The following ROR2 variants were observed in gnomAD, a reference collection of about 807,000 sequenced individuals.
ROR2 encodes the protein ROR family WNT receptor 2.
A neutral mutation model predicts 74.9 loss-of-function variants in ROR2; 33 were observed. That is an observed-to-expected ratio of 0.44 (90% CI 0.33 to 0.59). The LOEUF (loss-of-function observed/expected upper bound fraction) is 0.59. ROR2 is among the 20% of genes least tolerant of loss of function. The pLI, the probability that ROR2 is intolerant of heterozygous loss-of-function variation, is 0.02. For missense variants in ROR2, 1,216 were observed against 1,313.8 expected (o/e 0.93, Z 1.15); for synonymous variants, 586 against 558.7 (o/e 1.05, Z -0.69).
intron 1 of ROR2, among the ~76,000 whole-genome samples, chr9:91,936,418 C>T (rs534418979): frequency 5.3e-5 from 8 of 152,306 alleles, no homozygotes; most frequent in African/African-American, 1.9e-4. Flanking sequence ...GTCATCTGCC[C>T]CTGTGTGAGC....
intron 1 of ROR2, among the ~76,000 whole-genome samples, chr9:91,843,353 T>C (rs1828839173): frequency 6.6e-6 from 1 of 152,176 alleles, no homozygotes; most frequent in East Asian, 1.9e-4. Context: ...GTGGGGCAGG[T>C]CAGGTGCATG....
intron 1 of ROR2, among the ~76,000 whole-genome samples, chr9:91,797,802 G>GA (rs1458242058): frequency 9.6e-5 from 4 of 41,650 alleles, no homozygotes; most frequent in African/African-American, 1.5e-4. Flanking sequence ...TGTGGGTGGG[G>GA]CTGACACCCT....
intron 4 of ROR2, among the ~76,000 whole-genome samples, chr9:91,744,100 G>A (rs1825329954): frequency 6.6e-6 from 1 of 151,408 alleles, no homozygotes; most frequent in Non-Finnish European, 1.5e-5. Context: ...CAAACAAAAT[G>A]TCAACAGCAC....
In ROR2 at chr9:91,733,105, G is replaced by A. The variant is rs1206580649; in HGVS notation, c.937+17C>T. The A allele has an allele frequency of 1.9e-6, 3 of 1,576,678 alleles. No individual in the cohort carries two copies. The highest frequency in any genetic ancestry group is 8.6e-7 in the Non-Finnish European group (1 of 1,164,314). ...CCCTGCGCCCCCCGGTCCCGCCCCG[G>A]GCCCTCGGGCACTCACAGCGGCCCA... On this transcript the variant is annotated intron_variant, in intron 6 of 8. Coordinates refer to ENST00000375708, the MANE Select transcript of ROR2 (RefSeq NM_004560.4). The surrounding 1 kb of genome is among the most constrained non-coding windows in gnomAD (Gnocchi z 5.7).
intron 1 of ROR2, among the ~76,000 whole-genome samples, chr9:91,871,270 T>G (rs996289188): frequency 6.6e-6 from 1 of 152,242 alleles, no homozygotes; most frequent in African/African-American, 2.4e-5. Flanking sequence ...TCACTGTGTG[T>G]GTTTGTCTTC....
chr9:91,750,937 A>C (rs1053377846), intron 4 of ROR2, among the ~76,000 whole-genome samples: 1 of 152,222 alleles, frequency 6.6e-6, no homozygotes, highest in African/African-American at 2.4e-5. Flanking sequence ...TTTGACACCT[A>C]AGATGCTGGC....
chr9:91,723,310 T>C lies in ROR2; in HGVS notation c.*352A>G. 1 of 257,466 alleles carries C rather than the reference T, an allele frequency of 3.9e-6. No homozygotes were observed. Among genetic ancestry groups the C allele is most frequent in the Non-Finnish European group, 7.4e-6 (1 of 134,350 alleles). The allele number at this position is 257,466 out of a possible 1,614,324, so 15.9% of individuals were successfully genotyped here. Reference sequence around the variant, plus strand: ...ATTCCCAACGTTTTGAAATATTCACTCCATATATGACATGGAGTGAAGCTG... The same window carrying C: ...ATTCCCAACGTTTTGAAATATTCACCCCATATATGACATGGAGTGAAGCTG... On this transcript the variant is annotated 3_prime_UTR_variant, in exon 9 of 9. Coordinates refer to ENST00000375708, the MANE Select transcript of ROR2 (RefSeq NM_004560.4).
intron 1 of ROR2, among the ~76,000 whole-genome samples, chr9:91,896,326 C>T (rs1830538644): frequency 6.6e-6 from 1 of 152,144 alleles, no homozygotes; most frequent in African/African-American, 2.4e-5. Flanking sequence ...TCTTGGTTCC[C>T]CCGCTTCCCC....
intron 1 of ROR2, among the ~76,000 whole-genome samples, chr9:91,942,363 T>C (rs1831895538): frequency 6.6e-6 from 1 of 152,174 alleles, no homozygotes; most frequent in African/African-American, 2.4e-5. Context: ...CAACTGTCCC[T>C]TGCCAACAAG....
chr9:91,889,082 T>G (rs948992097), intron 1 of ROR2, among the ~76,000 whole-genome samples: 3 of 152,202 alleles, frequency 2.0e-5, no homozygotes, highest in Non-Finnish European at 4.4e-5. Flanking sequence ...TGGAGCTTCA[T>G]TCCCCCATGC....
At chr9:91,729,068 A>G (rs1008544084) in intron 7 of ROR2, among the ~76,000 whole-genome samples, 2 of 149,736 alleles carry the variant, frequency 1.3e-5, no homozygotes, top group Non-Finnish European at 3.0e-5. Context: ...TTTTAATTAC[A>G]AAAGTAATTC....
At chr9:91,838,397 A>C (rs2119207577) in intron 1 of ROR2, among the ~76,000 whole-genome samples, 1 of 152,288 alleles carries the variant, frequency 6.6e-6, no homozygotes, top group African/African-American at 2.4e-5. Flanking sequence ...CATCTCCTGC[A>C]GCCCCTCCCC....
At chr9:91,884,114 A>G (rs1461814795) in intron 1 of ROR2, among the ~76,000 whole-genome samples, 1 of 152,214 alleles carries the variant, frequency 6.6e-6, no homozygotes, top group Non-Finnish European at 1.5e-5. Flanking sequence ...AAGTCAAGGT[A>G]CTTGAGTACT....
intron 1 of ROR2, among the ~76,000 whole-genome samples, chr9:91,916,530 T>G (rs1181967005): frequency 6.6e-6 from 1 of 152,150 alleles, no homozygotes; most frequent in Non-Finnish European, 1.5e-5. Context: ...TCCCCTGGAC[T>G]TCAAAGATCC....
chr9:91,859,321 C>T (rs887190100), intron 1 of ROR2, among the ~76,000 whole-genome samples: 2 of 151,482 alleles, frequency 1.3e-5, no homozygotes, highest in African/African-American at 4.9e-5. Flanking sequence ...CCTGCCTCAG[C>T]CTCCCGGGTA....
chr9:91,735,375 C>T (rs1824984061), intron 5 of ROR2, among the ~76,000 whole-genome samples: 1 of 152,178 alleles, frequency 6.6e-6, no homozygotes, highest in African/African-American at 2.4e-5. Flanking sequence ...AGAAAATCTT[C>T]ATTCTAAACT....
chr9:91,736,081 G>A (rs1377145147), intron 5 of ROR2, among the ~76,000 whole-genome samples: 1 of 152,076 alleles, frequency 6.6e-6, no homozygotes, highest in Non-Finnish European at 1.5e-5. Context: ...TGTGTGTTTC[G>A]GTAAAAACCT....
chr9:91,763,408 G>A (rs1332667658), intron 2 of ROR2, among the ~76,000 whole-genome samples: 5 of 152,180 alleles, frequency 3.3e-5, no homozygotes, highest in Non-Finnish European at 5.9e-5. Context: ...AGTCTCAAAA[G>A]TGCTTGAAAC....
intron 1 of ROR2, among the ~76,000 whole-genome samples, chr9:91,830,285 T>C (rs1828425424): frequency 6.6e-6 from 1 of 152,130 alleles, no homozygotes; most frequent in Non-Finnish European, 1.5e-5. Flanking sequence ...GGCAACACAG[T>C]GACACCCTGT....
Sources: gnomAD v4.1 joint callset for allele counts (sites outside exome capture counted in the v4.1 genomes callset) on GRCh38, gnomAD v4.1.1 for gene constraint, Gnocchi (gnomAD v3.1) non-coding constraint, MANE v1.5 for transcripts, NCBI Gene and HGNC (gene_info 2026-07-23, HGNC 2026-07-21) for gene names.